The following FHIT variants were observed in gnomAD, a reference collection of about 807,000 sequenced individuals.
FHIT encodes bis(5'-adenosyl)-triphosphatase.
In FHIT, 19 loss-of-function variants were observed where a neutral mutation model predicts 17.9. The ratio of observed to expected loss-of-function variants is 1.06; its 90% confidence interval spans 0.74 to 1.56. The LOEUF (loss-of-function observed/expected upper bound fraction) is 1.56. Ranked by LOEUF, FHIT falls within the 40% of genes most tolerant of loss-of-function variation. The pLI, the probability that FHIT is intolerant of heterozygous loss-of-function variation, is 0.00. For synonymous variants in FHIT, 81 were observed against 69.7 expected (o/e 1.16, Z -0.81); for missense variants, 248 against 189.2 (o/e 1.31, Z -1.82).
chr3:61,046,455 C>G (rs1323670345), intron 2 of FHIT, among the ~76,000 whole-genome samples: 5 of 152,170 alleles, frequency 3.3e-5, no homozygotes, highest in African/African-American at 1.2e-4. Flanking sequence ...AGTTGAATCT[C>G]TGAATAGACC....
chr3:60,218,767 A>G (rs1703817194), intron 5 of FHIT, among the ~76,000 whole-genome samples: 1 of 152,106 alleles, frequency 6.6e-6, no homozygotes, highest in South Asian at 2.1e-4. Context: ...TATTAGCCCA[A>G]GGATATGTAA....
chr3:60,763,494 G>T (rs542552657), intron 4 of FHIT, among the ~76,000 whole-genome samples: 1 of 152,178 alleles, frequency 6.6e-6, no homozygotes, highest in South Asian at 2.1e-4. Context: ...TCTCTACCCT[G>T]TGAAGGTAGG....
At chr3:60,569,755 A>ATATATAT in intron 4 of FHIT, among the ~76,000 whole-genome samples, 3 of 77,340 alleles carry the variant, frequency 3.9e-5, no homozygotes, top group African/African-American at 9.7e-5. Flanking sequence ...ATATATATAT[A>ATATATAT]TTTTTTTTTT....
intron 3 of FHIT, among the ~76,000 whole-genome samples, chr3:60,984,017 C>G (rs888015309): frequency 1.3e-5 from 2 of 152,016 alleles, no homozygotes; most frequent in Admixed American, 6.6e-5. Flanking sequence ...AAAAATCCAC[C>G]AAAGGGAAGC....
chr3:60,576,738 A>G (rs570904058), intron 4 of FHIT, among the ~76,000 whole-genome samples: 2 of 152,252 alleles, frequency 1.3e-5, no homozygotes, highest in South Asian at 4.2e-4. Context: ...GAAAGGTACA[A>G]TCAGCCGGGG....
intron 7 of FHIT, among the ~76,000 whole-genome samples, chr3:59,939,082 T>A (rs1035381882): frequency 6.6e-6 from 1 of 152,278 alleles, no homozygotes; most frequent in East Asian, 1.9e-4. Flanking sequence ...CAACAGACAG[T>A]GGGGGAAGCC....
intron 5 of FHIT, among the ~76,000 whole-genome samples, chr3:60,392,575 A>T (rs760631687): frequency 6.6e-6 from 1 of 152,210 alleles, no homozygotes; most frequent in Non-Finnish European, 1.5e-5. Context: ...GAAAAACTAA[A>T]GCTGAACATA....
At chr3:60,798,582 T>C (rs78732299) in intron 4 of FHIT, among the ~76,000 whole-genome samples, 41,108 of 151,998 alleles carry the variant, frequency 0.27, 5,981 homozygotes, top group Middle Eastern at 0.33. Context: ...ATGGCCTCCT[T>C]TTTGCCCTGG....
At chr3:59,880,549 C>T (rs931955379) in intron 8 of FHIT, among the ~76,000 whole-genome samples, 2 of 152,184 alleles carry the variant, frequency 1.3e-5, no homozygotes, top group African/African-American at 4.8e-5. Flanking sequence ...TCTAGTGCCA[C>T]AACTAAGTAC....
intron 7 of FHIT, among the ~76,000 whole-genome samples, chr3:59,935,285 T>C (rs976361584): frequency 2.0e-5 from 3 of 152,180 alleles, no homozygotes; most frequent in African/African-American, 4.8e-5. Flanking sequence ...TCAGCTGTTG[T>C]TGTAGTCATG....
rs1474567345 is a variant in FHIT at position 60,035,807 on chromosome 3, G to T, written c.104-21655C>A. Among the ~76,000 whole-genome samples, 5 of 152,178 alleles carry T rather than the reference G, an allele frequency of 3.3e-5. No homozygotes were observed. The East Asian group carries it at 9.6e-4, about 29-fold the overall frequency. On this transcript the variant is annotated intron_variant, in intron 5 of 9. Coordinates refer to ENST00000492590, the MANE Select transcript of FHIT (RefSeq NM_002012.4). The stretch of plus-strand genomic sequence containing the variant: ...GCTATGTATTTCCTCATATGCCTTA[G>T]TTAATATTGTCTTCTACTCTGAATA...
At chr3:60,158,307 T>C (rs1292919755) in intron 5 of FHIT, among the ~76,000 whole-genome samples, 1 of 151,904 alleles carries the variant, frequency 6.6e-6, no homozygotes, top group Non-Finnish European at 1.5e-5. Context: ...AACAAGACTA[T>C]TTCATAATTT....
At chr3:60,206,306 G>A (rs1226091484) in intron 5 of FHIT, among the ~76,000 whole-genome samples, 1 of 151,924 alleles carries the variant, frequency 6.6e-6, no homozygotes. Flanking sequence ...CAGTACTTAT[G>A]ATAAGAAAAC....
intron 5 of FHIT, among the ~76,000 whole-genome samples, chr3:60,390,856 T>TA (rs939627247): frequency 8.0e-5 from 12 of 150,180 alleles, no homozygotes; most frequent in South Asian, 2.1e-4. Flanking sequence ...GTCAGAAAGC[T>TA]AAAAAAAAAA....
intron 4 of FHIT, among the ~76,000 whole-genome samples, chr3:60,592,323 C>A (rs1553664663): frequency 6.7e-6 from 1 of 150,032 alleles, no homozygotes; most frequent in Non-Finnish European, 1.5e-5. Context: ...ACTGAGAATA[C>A]TAAAGGAGAT....
chr3:60,625,760 T>G (rs1413670543), intron 4 of FHIT, among the ~76,000 whole-genome samples: 1 of 145,754 alleles, frequency 6.9e-6, no homozygotes, highest in African/African-American at 2.4e-5. Context: ...TTTCCATTTG[T>G]TGCTTGTGTT....
chr3:60,866,011 C>G (rs1704143659), intron 3 of FHIT, among the ~76,000 whole-genome samples: 1 of 152,044 alleles, frequency 6.6e-6, no homozygotes, highest in Non-Finnish European at 1.5e-5. Flanking sequence ...AAGCATTCAA[C>G]AAGTAGGAAA....
Position 59,752,315 on chromosome 3 carries a change from T to G in FHIT, c.355A>C (p.Lys119Gln). 2 of 1,610,872 alleles carry G rather than the reference T, an allele frequency of 1.2e-6. No homozygotes were observed. The highest frequency in any genetic ancestry group is 1.7e-6 in the Non-Finnish European group (2 of 1,178,920). Residue 119 changes from lysine to glutamine, a missense_variant, in exon 9 of 10, where the codon AAA becomes CAA. Physicochemically the swap from Lys to Gln is moderately conservative, Grantham distance 53 (BLOSUM62 1). Transcript: ENST00000492590. ...RNDSIYEELQ[K>Q]HDKEDFPASW... ...GCAGGAAAGTCCTCCTTGTCATGTT[T>G]CTGGAGCTTTGGAGAAAAAAAAAGG...
At chr3:60,152,769 G>A (rs989837959) in intron 5 of FHIT, among the ~76,000 whole-genome samples, 10 of 152,118 alleles carry the variant, frequency 6.6e-5, no homozygotes, top group Non-Finnish European at 1.0e-4. Context: ...GTGTAAGAAT[G>A]CCTATTCATT....
Sources: gnomAD v4.1 joint callset for allele counts (sites outside exome capture counted in the v4.1 genomes callset) on GRCh38, gnomAD v4.1.1 for gene constraint, MANE v1.5 for transcripts, NCBI Gene and HGNC (gene_info 2026-07-23, HGNC 2026-07-21) for gene names.